The following NBAS variants were observed in gnomAD, a reference collection of about 807,000 sequenced individuals.
The protein encoded by NBAS is NAG/BC035112 fusion.
A neutral mutation model predicts 302.5 loss-of-function variants in NBAS; 219 were observed. The observed-to-expected ratio is 0.72, with a 90% CI of 0.65 to 0.81. The LOEUF is 0.81. NBAS is among the 30% of genes least tolerant of loss of function. The pLI, the probability that NBAS is intolerant of heterozygous loss-of-function variation, is 0.00. For synonymous variants in NBAS, 1,118 were observed against 1,021.6 expected, an observed-to-expected ratio of 1.09 and a Z score of -1.80; for missense variants, 2,932 against 2,841.6, an observed-to-expected ratio of 1.03 and a Z score of -0.72.
the NBAS span, among the ~76,000 whole-genome samples, chr2:15,091,293 A>AGTTGACCCTCGAACAACACT: frequency 2.0e-5 from 3 of 152,028 alleles, no homozygotes; most frequent in African/African-American, 7.2e-5. Context: ...CACTTCATAC[A>AGTTGACCCTCGAACAACACT]GTTTGAACTG....
At chr2:15,311,304 C>T (rs1329864030) in intron 38 of NBAS, among the ~76,000 whole-genome samples, 1 of 152,158 alleles carries the variant, frequency 6.6e-6, no homozygotes, top group East Asian at 1.9e-4. Context: ...AAGCATTTTG[C>T]ATTTGGGGTC....
the NBAS span, among the ~76,000 whole-genome samples, chr2:14,945,161 A>C: frequency 6.6e-6 from 1 of 152,212 alleles, no homozygotes; most frequent in African/African-American, 2.4e-5. Context: ...CCAGCAGTGC[A>C]AGAATATCCC....
At chr2:14,876,167 A>G in the NBAS span, among the ~76,000 whole-genome samples, 1 of 152,224 alleles carries the variant, frequency 6.6e-6, no homozygotes, top group African/African-American at 2.4e-5. Flanking sequence ...GTTGGGGAGA[A>G]TGCAGTTTCA....
At chr2:15,517,643 T>C (rs1211083923) in intron 9 of NBAS, among the ~76,000 whole-genome samples, 1 of 152,184 alleles carries the variant, frequency 6.6e-6, no homozygotes, top group African/African-American at 2.4e-5. Flanking sequence ...CCTTGACTTA[T>C]GATCAGATAA....
intron 9 of NBAS, among the ~76,000 whole-genome samples, chr2:15,522,175 A>G (rs10929371): frequency 0.64 from 96,968 of 152,066 alleles, 31,645 homozygotes; most frequent in Non-Finnish European, 0.68. Context: ...ATTCTTTCTG[A>G]CAACAGAAAT....
intron 9 of NBAS, among the ~76,000 whole-genome samples, chr2:15,523,200 T>C (rs1463040620): frequency 1.3e-5 from 2 of 152,088 alleles, no homozygotes; most frequent in East Asian, 1.9e-4. Flanking sequence ...CAATGAAAAA[T>C]ACATGAGAAC....
chr2:14,928,926 G>T, the NBAS span, among the ~76,000 whole-genome samples: 16,515 of 152,170 alleles, frequency 0.11, 983 homozygotes, highest in African/African-American at 0.15. Context: ...GTATGCTCTT[G>T]TGAGGAGAGC....
Position 15,330,649 on chromosome 2 carries a change from G to A in NBAS, c.4296C>T (p.Val1432=). 1 of 1,614,054 alleles carries A rather than the reference G, an allele frequency of 6.2e-7. No individual in the cohort carries two copies. Among genetic ancestry groups the A allele is most frequent in the Non-Finnish European group, 8.5e-7 (1 of 1,179,946 alleles). The change falls in exon 36 of 52, where the codon GTC becomes GTT. Residue 1432 remains valine, a synonymous_variant. Coordinates refer to ENST00000281513, the MANE Select transcript of NBAS (RefSeq NM_015909.4). The stretch of plus-strand genomic sequence containing the variant: ...ACTTCTTCCACCACTGCCCATCACT[G>A]ACGGCCTGCAGCACCGCTTTGGTGG... ...TTTTKAVLQA[V]SDGQWWKKSL...
chr2:14,850,191 G>T, the NBAS span, among the ~76,000 whole-genome samples: 2 of 134,102 alleles, frequency 1.5e-5, no homozygotes, highest in South Asian at 2.2e-4. Flanking sequence ...CCCATCTCAC[G>T]TGCAGAGACA....
At chr2:15,312,393 C>G (rs982202571) in intron 38 of NBAS, among the ~76,000 whole-genome samples, 22 of 152,234 alleles carry the variant, frequency 1.4e-4, no homozygotes, top group African/African-American at 5.3e-4. Flanking sequence ...CCTGCCTAAG[C>G]CTCCCATGTA....
At chr2:15,159,869 G>A in the NBAS span, among the ~76,000 whole-genome samples, 1 of 151,862 alleles carries the variant, frequency 6.6e-6, no homozygotes, top group South Asian at 2.1e-4. Flanking sequence ...ATTTTAGTCT[G>A]AGAAACCATG....
intron 23 of NBAS, among the ~76,000 whole-genome samples, chr2:15,421,886 A>G (rs996376064): frequency 5.9e-5 from 9 of 152,082 alleles, no homozygotes; most frequent in African/African-American, 2.2e-4. Context: ...CAATTTCCAT[A>G]TATCTCCTGC....
intron 40 of NBAS, among the ~76,000 whole-genome samples, chr2:15,298,366 CA>C (rs1572613186): frequency 6.6e-6 from 1 of 152,154 alleles, no homozygotes; most frequent in South Asian, 2.1e-4. Flanking sequence ...CAATTTCTCA[CA>C]AAAGCTTCTA....
chr2:15,461,319 G>A lies in NBAS; in HGVS notation c.2221C>T (p.Leu741=). The A allele has an allele frequency of 1.2e-6, 2 of 1,612,420 alleles. No individual in the cohort carries two copies. The highest frequency in any genetic ancestry group is 1.7e-6 in the Non-Finnish European group (2 of 1,178,586). The change falls in exon 21 of 52, where the codon CTG becomes TTG. Residue 741 remains leucine (L), a synonymous_variant. Transcript: ENST00000281513. ...TYAQESNVQA[L]EILFTYHGSD... ...CCATGGTAAGTAAACAGAATTTCCA[G>A]GGCTTGTACATTACTTTCCTGTACA...
chr2:15,168,708 C>A (rs1441066026), intron 51 of NBAS, among the ~76,000 whole-genome samples: 4 of 152,212 alleles, frequency 2.6e-5, no homozygotes, highest in Admixed American at 6.5e-5. Context: ...CGGCTCACTG[C>A]AACCTCCTCC....
At chr2:15,111,786 C>A in the NBAS span, among the ~76,000 whole-genome samples, 1 of 151,394 alleles carries the variant, frequency 6.6e-6, no homozygotes, top group African/African-American at 2.4e-5. Context: ...GAAGGTAGTA[C>A]ATCTACCTCT....
chr2:14,924,780 G>A, the NBAS span, among the ~76,000 whole-genome samples: 1 of 152,050 alleles, frequency 6.6e-6, no homozygotes, highest in Non-Finnish European at 1.5e-5. Flanking sequence ...GTAGCTCTGA[G>A]TTGAGGGATT....
At chr2:15,370,852 G>A (rs1311543339) in intron 31 of NBAS, among the ~76,000 whole-genome samples, 3 of 152,194 alleles carry the variant, frequency 2.0e-5, no homozygotes, top group Non-Finnish European at 4.4e-5. Flanking sequence ...GACTTGTCCT[G>A]TCACAGATGA....
intron 42 of NBAS, among the ~76,000 whole-genome samples, chr2:15,281,480 G>C (rs904225098): frequency 6.6e-6 from 1 of 152,202 alleles, no homozygotes; most frequent in South Asian, 2.1e-4. Flanking sequence ...ATGTTAGGTT[G>C]CCAGGGCCAT....
Sources: allele counts gnomAD v4.1 joint callset (sites outside exome capture counted in the v4.1 genomes callset), GRCh38; gene constraint gnomAD v4.1.1; transcripts MANE v1.5; gene names NCBI Gene and HGNC (gene_info 2026-07-23, HGNC 2026-07-21).